GOLM1: variants seen among roughly 807,000 people sequenced by gnomAD.
The protein encoded by GOLM1 is epididymis luminal protein 46.
GOLM1 carries 31 observed loss-of-function variants against 50.5 expected under a neutral mutation model. The ratio of observed to expected loss-of-function variants is 0.61; its 90% CI spans 0.46 to 0.83. The LOEUF is 0.83. Ranked by LOEUF, GOLM1 falls within the 40% of genes least tolerant of loss-of-function variation. The probability of loss-of-function intolerance (pLI) is 0.00; values close to 1 mark genes in which losing one functional copy is unlikely to be tolerated. For missense variants in GOLM1, 491 were observed against 501.3 expected (o/e 0.98, Z 0.20); for synonymous variants, 178 against 192.8 (o/e 0.92, Z 0.64).
At chr9:86,053,619 C>CA (rs1564347467) in intron 3 of GOLM1, among the ~76,000 whole-genome samples, 9 of 59,032 alleles carry the variant, frequency 1.5e-4, no homozygotes, top group Non-Finnish European at 2.2e-4. Flanking sequence ...ACACACCACA[C>CA]CAAACATCAC....
At chr9:86,075,601 C>T (rs1358709529) in intron 3 of GOLM1, among the ~76,000 whole-genome samples, 2 of 152,192 alleles carry the variant, frequency 1.3e-5, no homozygotes, top group Non-Finnish European at 2.9e-5. Context: ...GTCTGCCTGA[C>T]TCACAAGTTC....
chr9:86,090,164 G>A (rs1281825290), intron 1 of GOLM1, among the ~76,000 whole-genome samples: 1 of 152,108 alleles, frequency 6.6e-6, no homozygotes, highest in Non-Finnish European at 1.5e-5. Context: ...GAGCTCTCCT[G>A]TATGAGGTGA....
chr9:86,027,149 A>G lies in GOLM1; in HGVS notation c.*668T>C, dbSNP rs1832810691. 1 of 985,120 alleles carries G rather than the reference A, an allele frequency of 1.0e-6. No homozygotes were observed. The highest frequency in any genetic ancestry group is 1.2e-6 in the Non-Finnish European group (1 of 829,630). 61.0% of individuals were successfully genotyped at this position (985,120 alleles called of 1,614,324 possible). On this transcript the variant is annotated 3_prime_UTR_variant, in exon 10 of 10. Transcript: ENST00000388712. ...TAAAGACCACAAATGTTCAAATTCT[A>G]AGCCACTTAATAGCGTTTTGTACAT...
rs1228283822 is a variant in GOLM1, at chr9:86,035,866, CAAAAAAAAAAACAAAACAA to C, written c.758-260_758-242del. Among the ~76,000 whole-genome samples the C allele has an allele frequency of 4.3e-5, 2 of 46,738 alleles. 1 individual carries two copies. The highest frequency in any genetic ancestry group is 1.8e-4 in the African/African-American group (2 of 10,822). The allele number at this position is 46,738 out of a possible 152,430, so 30.7% of individuals were successfully genotyped here. On this transcript the variant is annotated intron_variant, in intron 7 of 9. Transcript: ENST00000388712. ...CGCGACAAAGGGAAAAGTAGCTTACCAAAAAAAAAAACAAAACAAAAAAAAAAAAACACCTGGACTAAAT... is the reference window on the plus strand; with the variant it reads ...CGCGACAAAGGGAAAAGTAGCTTACCAAAAAAAAAAACACCTGGACTAAAT...
chr9:86,042,685 A>C (rs1353955290), intron 5 of GOLM1, among the ~76,000 whole-genome samples: 3 of 152,228 alleles, frequency 2.0e-5, no homozygotes, highest in African/African-American at 7.2e-5. Context: ...GTAGAACTAA[A>C]TGAGCAGGTC....
At chr9:86,067,559 C>G (rs1241333548) in intron 3 of GOLM1, among the ~76,000 whole-genome samples, 2 of 152,212 alleles carry the variant, frequency 1.3e-5, no homozygotes, top group Non-Finnish European at 2.9e-5. Flanking sequence ...AAATTCGGGG[C>G]AGCCTTAGTG....
At chr9:86,034,453 G>T (rs143832673) in intron 8 of GOLM1, among the ~76,000 whole-genome samples, 1 of 152,108 alleles carries the variant, frequency 6.6e-6, no homozygotes. Context: ...CCTTTGTTAC[G>T]CTTTGTGACC....
chr9:86,035,670 T>TA (rs1330628292), intron 7 of GOLM1, 45 bp from the exon 8 acceptor site: 7 of 1,296,974 alleles, frequency 5.4e-6, no homozygotes, highest in Middle Eastern at 2.0e-4. Flanking sequence ...AGCATTTGAT[T>TA]TAAAAAAAAA....
chr9:86,075,605 C>T (rs1834586356), intron 3 of GOLM1, among the ~76,000 whole-genome samples: 1 of 152,206 alleles, frequency 6.6e-6, no homozygotes, highest in African/African-American at 2.4e-5. Context: ...GCCTGACTCA[C>T]AAGTTCCATG....
chr9:86,099,292 G>A (rs966881401), intron 1 of GOLM1, 119 bp downstream of exon 1: 1 of 152,302 alleles, frequency 6.6e-6, no homozygotes, highest in African/African-American at 2.4e-5. Flanking sequence ...CGCAAGCCGC[G>A]GGGAGGCTCC....
chr9:86,069,156 G>A (rs966299012), intron 3 of GOLM1, among the ~76,000 whole-genome samples: 13 of 151,390 alleles, frequency 8.6e-5, no homozygotes, highest in African/African-American at 3.2e-4. Flanking sequence ...TTTAAAGAAA[G>A]GGAGTGGAGA....
At chr9:86,094,645 CTGGG>C (rs1835298693) in intron 1 of GOLM1, among the ~76,000 whole-genome samples, 1 of 152,122 alleles carries the variant, frequency 6.6e-6, no homozygotes, top group Non-Finnish European at 1.5e-5. Flanking sequence ...AGAATATATC[CTGGG>C]GCCAGCACGA....
At chr9:86,056,743 A>G (rs1477964893) in intron 3 of GOLM1, among the ~76,000 whole-genome samples, 1 of 152,028 alleles carries the variant, frequency 6.6e-6, no homozygotes, top group East Asian at 1.9e-4. Flanking sequence ...TGACCTCGTG[A>G]TCTGCTCGCC....
At chr9:86,060,876 CAA>C (rs753183065) in intron 3 of GOLM1, among the ~76,000 whole-genome samples, 3 of 19,908 alleles carry the variant, frequency 1.5e-4, no homozygotes, top group Non-Finnish European at 2.5e-4. Context: ...GAAACTCTCT[CAA>C]AAAAAAAAAA....
At position 86,046,118 on chromosome 9, in the gene GOLM1, A is replaced by G. The variant is rs540646080; in HGVS notation, c.467+352T>C. Among the ~76,000 whole-genome samples, 6 of 152,374 alleles carry G rather than the reference A, an allele frequency of 3.9e-5. No homozygotes were observed. The South Asian group carries it at 1.0e-3, about 26-fold the overall frequency. On this transcript the variant is annotated intron_variant, in intron 5 of 9. Transcript: ENST00000388712. Reference sequence around the variant, plus strand: ...GATCGCCAGGCAATAAACTATTACTATATCAATATTTTGCCAAAATGTCTT... The same window carrying G: ...GATCGCCAGGCAATAAACTATTACTGTATCAATATTTTGCCAAAATGTCTT...
At chr9:86,096,180 T>TC in intron 1 of GOLM1, among the ~76,000 whole-genome samples, 2 of 149,936 alleles carry the variant, frequency 1.3e-5, no homozygotes, top group Admixed American at 1.3e-4. Context: ...TCGATAGGTT[T>TC]TTTTTTTTTT....
intron 3 of GOLM1, among the ~76,000 whole-genome samples, chr9:86,060,129 AATT>A (rs1295782193): frequency 6.6e-6 from 1 of 152,148 alleles, no homozygotes; most frequent in Non-Finnish European, 1.5e-5. Flanking sequence ...TCCACATAAA[AATT>A]ATTGAGAAAT....
intron 3 of GOLM1, among the ~76,000 whole-genome samples, chr9:86,055,292 A>AT (rs1179281878): frequency 6.6e-6 from 1 of 152,198 alleles, no homozygotes; most frequent in East Asian, 1.9e-4. Flanking sequence ...TACATCAGGG[A>AT]TTTTGCGGGG....
intron 1 of GOLM1, among the ~76,000 whole-genome samples, chr9:86,096,242 C>T (rs7848553): frequency 0.25 from 36,412 of 147,988 alleles, 7,452 homozygotes; most frequent in African/African-American, 0.54. Flanking sequence ...TTACATGAAA[C>T]TAAAACTTCT....
Sources: allele counts gnomAD v4.1 joint callset (sites outside exome capture counted in the v4.1 genomes callset), GRCh38; gene constraint gnomAD v4.1.1; transcripts MANE v1.5; gene names NCBI Gene and HGNC (gene_info 2026-07-23, HGNC 2026-07-21).